The following SIAH2 variants were observed in gnomAD, a reference collection of about 807,000 sequenced individuals.
SIAH2 encodes siah E3 ubiquitin protein ligase 2, also known as E3 ubiquitin-protein ligase SIAH2.
SIAH2 carries 4 observed loss-of-function variants against 20.4 expected under a neutral mutation model. The ratio of observed to expected loss-of-function variants is 0.20; its 90% CI spans 0.10 to 0.45. The LOEUF (loss-of-function observed/expected upper bound fraction) is 0.45, where lower values mean the gene tolerates loss of function less well. Ranked by LOEUF, SIAH2 falls within the 20% of genes least tolerant of loss-of-function variation. SIAH2 has a pLI of 0.99. For synonymous variants in SIAH2, 171 were observed against 192.5 expected, an observed-to-expected ratio of 0.89 and a Z score of 0.93; for missense variants, 259 against 440.3, an observed-to-expected ratio of 0.59 and a Z score of 3.69.
At position 150,762,239 on chromosome 3, in the gene SIAH2, T is replaced by C; in HGVS notation, c.417+194A>G. On this transcript the variant is annotated intron_variant, in intron 1 of 1. Transcript: ENST00000312960. This position sits in a 1 kb window ranked among gnomAD's most constrained non-coding sequence, Gnocchi z 6.6. ...AATCTGTTAATTGTCTATTAACAAT[T>C]ATTACTCGGTAAATGTCAACCCAGA... 8.8e-7 allele frequency: 1 copy of C among 1,137,926 alleles called. No homozygotes were observed. Among genetic ancestry groups the C allele is most frequent in the African/African-American group, 1.6e-5 (1 of 63,574 alleles). 70.5% of individuals were successfully genotyped at this position (1,137,926 alleles called of 1,614,324 possible). A position where few individuals can be genotyped will look rare whatever the true frequency, so the allele number is the denominator to read the frequency against.
intron 1 of SIAH2, among the ~76,000 whole-genome samples, chr3:150,756,385 A>G (rs1408236364): frequency 6.6e-6 from 1 of 152,238 alleles, no homozygotes; most frequent in Non-Finnish European, 1.5e-5. Context: ...ATGGGTTTGA[A>G]TAAGAACGGC....
chr3:150,752,949 C>A (rs1714403411), intron 1 of SIAH2, among the ~76,000 whole-genome samples: 2 of 152,218 alleles, frequency 1.3e-5, no homozygotes, highest in African/African-American at 4.8e-5. Flanking sequence ...AACTTAAAAA[C>A]TGCACGAGCA....
intron 1 of SIAH2, among the ~76,000 whole-genome samples, chr3:150,759,484 A>G (rs2108125965): frequency 6.6e-6 from 1 of 152,304 alleles, no homozygotes; most frequent in Middle Eastern, 3.4e-3. Context: ...AACTCATCCA[A>G]CCAGACGGTT....
At chr3:150,754,604 A>T (rs972368499) in intron 1 of SIAH2, among the ~76,000 whole-genome samples, 1 of 152,290 alleles carries the variant, frequency 6.6e-6, no homozygotes, top group South Asian at 2.1e-4. Flanking sequence ...AACTCCACCG[A>T]TGTAGAAATA....
At chr3:150,751,794 C>T (rs956985287) in intron 1 of SIAH2, among the ~76,000 whole-genome samples, 1 of 152,110 alleles carries the variant, frequency 6.6e-6, no homozygotes, top group African/African-American at 2.4e-5. Flanking sequence ...CCTAGCCTCA[C>T]GTGATCCTCC....
At chr3:150,745,101 A>T (rs1262348996) in intron 1 of SIAH2, among the ~76,000 whole-genome samples, 1 of 152,154 alleles carries the variant, frequency 6.6e-6, no homozygotes, top group Non-Finnish European at 1.5e-5. Context: ...TTAAAGCCTT[A>T]GGTGCTTACT....
chr3:150,750,460 G>C (rs769835622), intron 1 of SIAH2, among the ~76,000 whole-genome samples: 1 of 152,170 alleles, frequency 6.6e-6, no homozygotes, highest in Non-Finnish European at 1.5e-5. Flanking sequence ...AAAATCAATA[G>C]ATTTTGAGAT....
Position 150,749,076 on chromosome 3 carries a change from G to A in SIAH2, c.418-6378C>T, listed in dbSNP as rs145003651. 3.7e-3 allele frequency among the ~76,000 whole-genome samples: 562 copies of A among 152,258 alleles called. 3 individuals are homozygous for A. Among genetic ancestry groups the A allele is most frequent in the African/African-American group, 0.013 (525 of 41,560 alleles). On this transcript the variant is annotated intron_variant, in intron 1 of 1. Transcript: ENST00000312960. ...CATTCAAATGGTTAAAAAAAAGTACGAGCAAAGACAGCACAAATGATAAAG... is the reference window on the plus strand; with the variant it reads ...CATTCAAATGGTTAAAAAAAAGTACAAGCAAAGACAGCACAAATGATAAAG...
chr3:150,762,506 C>T lies in SIAH2; in HGVS notation c.344G>A (p.Arg115Lys). 1 of 1,613,660 alleles carries T rather than the reference C, an allele frequency of 6.2e-7. No individual in the cohort carries two copies. Among genetic ancestry groups the T allele is most frequent in the Non-Finnish European group, 8.5e-7 (1 of 1,179,928 alleles). Reference protein sequence around the residue: ...RQKLSCCPTCRGALTPSIRNL... With the variant: ...RQKLSCCPTCKGALTPSIRNL... ...CCTGATGCTGGGCGTCAGGGCGCCCCTGCACGTCGGGCAGCAGCTCAACTT... is the reference window on the plus strand; with the variant it reads ...CCTGATGCTGGGCGTCAGGGCGCCCTTGCACGTCGGGCAGCAGCTCAACTT... Residue 115 changes from arginine (R) to lysine (K), a missense_variant, in exon 1 of 2, where the codon AGG (arginine) becomes AAG (lysine). This residue lies in a region of SIAH2 where 160 missense variants were observed against 327.6 expected (regional missense o/e 0.49). Coordinates refer to ENST00000312960, the MANE Select transcript of SIAH2 (RefSeq NM_005067.7). This position sits in a 1 kb window ranked among gnomAD's most constrained non-coding sequence, Gnocchi z 6.6.
Position 150,762,316 on chromosome 3 carries a change from TC to T in SIAH2, c.417+116del. The T allele has an allele frequency of 2.0e-6, 3 of 1,481,250 alleles. No individual in the cohort carries two copies. The highest frequency in any genetic ancestry group is 2.7e-6 in the Non-Finnish European group (3 of 1,122,610). 91.8% of individuals were successfully genotyped at this position (1,481,250 alleles called of 1,614,324 possible). ...GGGTGGACGAAGTGTAAACATTTTT[TC>T]TTTTTTTTTTTTAAATGAGAGATGC... On this transcript the variant is annotated intron_variant, in intron 1 of 1. Transcript: ENST00000312960. The surrounding 1 kb of genome is among the most constrained non-coding windows in gnomAD (Gnocchi z 6.6).
At chr3:150,753,396 A>C (rs1401925133) in intron 1 of SIAH2, among the ~76,000 whole-genome samples, 5 of 152,244 alleles carry the variant, frequency 3.3e-5, no homozygotes, top group African/African-American at 1.2e-4. Flanking sequence ...TGTGGCATTA[A>C]GAAAACCAAA....
intron 1 of SIAH2, among the ~76,000 whole-genome samples, chr3:150,751,191 G>A (rs1427843124): frequency 1.3e-5 from 2 of 152,124 alleles, no homozygotes; most frequent in East Asian, 1.9e-4. Context: ...TAGCACTTTG[G>A]CAGGCTGAGG....
At position 150,762,765 on chromosome 3, in the gene SIAH2, G is replaced by T; in HGVS notation, c.85C>A (p.Pro29Thr). Residue 29 changes from proline to threonine, a missense_variant, in exon 1 of 2, where the codon CCG becomes ACG. By Grantham distance (38) the Pro-to-Thr change is conservative (BLOSUM62 -1). Around this residue, in one of 2 missense-constraint regions of SIAH2, gnomAD observed 99 missense variants for 112.7 expected, o/e 0.88. Coordinates refer to ENST00000312960, the MANE Select transcript of SIAH2 (RefSeq NM_005067.7). This position sits in a 1 kb window ranked among gnomAD's most constrained non-coding sequence, Gnocchi z 6.6. ...PPPQPQHTPS[P>T]AAPPAAATIS... ...GTGGCGGCGGCCGGGGGCGCAGCCG[G>T]GGACGGAGTGTGCTGGGGCTGCGGC... is the stretch of plus-strand genomic sequence containing the variant. The T allele has an allele frequency of 8.3e-7, 1 of 1,202,156 alleles. No individual in the cohort carries two copies. The highest frequency in any genetic ancestry group is 3.9e-5 in the East Asian group (1 of 25,748). 74.5% of individuals were successfully genotyped at this position (1,202,156 alleles called of 1,614,324 possible).
At chr3:150,745,721 T>C (rs991753441) in intron 1 of SIAH2, among the ~76,000 whole-genome samples, 4 of 152,074 alleles carry the variant, frequency 2.6e-5, no homozygotes, top group Non-Finnish European at 4.4e-5. Flanking sequence ...GGTCTCGATC[T>C]CCTGACCTCG....
intron 1 of SIAH2, among the ~76,000 whole-genome samples, chr3:150,745,242 C>A (rs1036787300): frequency 5.5e-4 from 16 of 29,086 alleles, no homozygotes; most frequent in African/African-American, 1.0e-3. Flanking sequence ...TAACCCCCTA[C>A]ACACACACAC....
chr3:150,754,300 G>A (rs754875636), intron 1 of SIAH2, among the ~76,000 whole-genome samples: 1 of 152,154 alleles, frequency 6.6e-6, no homozygotes, highest in Non-Finnish European at 1.5e-5. Flanking sequence ...CAATCATGGT[G>A]GAAGGCAAAG....
rs1467902022 is a variant in SIAH2, at chr3:150,742,302, G to A, written c.814C>T (p.Arg272Trp). 2.5e-6 allele frequency: 4 copies of A among 1,613,988 alleles called. No individual in the cohort carries two copies. Among genetic ancestry groups the A allele is most frequent in the Non-Finnish European group, 3.4e-6 (4 of 1,180,036 alleles). ...AYRLELNGNR[R>W]RLTWEATPRS... ...GGCGTGGCCTCCCAGGTCAATCTCCGCCGGTTCCCATTCAACTCCAGTCTG... is the reference window on the plus strand; with the variant it reads ...GGCGTGGCCTCCCAGGTCAATCTCCACCGGTTCCCATTCAACTCCAGTCTG... Residue 272 changes from arginine (R) to tryptophan (W), a missense_variant, in exon 2 of 2, where the codon CGG (arginine) becomes TGG (tryptophan). Coordinates refer to ENST00000312960, the MANE Select transcript of SIAH2 (RefSeq NM_005067.7). This position sits in a 1 kb window ranked among gnomAD's most constrained non-coding sequence, Gnocchi z 4.8.
intron 1 of SIAH2, among the ~76,000 whole-genome samples, chr3:150,751,325 G>A (rs1250079724): frequency 6.6e-6 from 1 of 152,122 alleles, no homozygotes; most frequent in African/African-American, 2.4e-5. Flanking sequence ...TCAGGAGGCT[G>A]AGGCAGGAGA....
At chr3:150,748,607 T>C (rs1714280665) in intron 1 of SIAH2, among the ~76,000 whole-genome samples, 1 of 152,194 alleles carries the variant, frequency 6.6e-6, no homozygotes, top group Non-Finnish European at 1.5e-5. Context: ...CCGGCTTACG[T>C]CCTAGGAAAC....
Sources: gnomAD v4.1 joint callset for allele counts (sites outside exome capture counted in the v4.1 genomes callset) on GRCh38, gnomAD v4.1.1 for gene constraint, gnomAD v4.1.1 regional missense constraint, Gnocchi (gnomAD v3.1) non-coding constraint, MANE v1.5 for transcripts, NCBI Gene and HGNC (gene_info 2026-07-23, HGNC 2026-07-21) for gene names.